Variants in FREM1 observed in about 807,000 individuals in gnomAD.
The protein encoded by FREM1 is FRAS1 related extracellular matrix 1.
In FREM1, 220 loss-of-function variants were observed where a neutral mutation model predicts 210.1. The ratio of observed to expected loss-of-function variants is 1.05; its 90% confidence interval spans 0.94 to 1.17. The LOEUF (loss-of-function observed/expected upper bound fraction) is 1.17, where lower values mean the gene tolerates loss of function less well. Among genes scored for constraint, FREM1 ranks in the 50% most tolerant of loss-of-function variants. The pLI is 0.00. For synonymous variants in FREM1, 1,189 were observed against 980.2 expected (o/e 1.21, Z -3.98); for missense variants, 3,454 against 2,675.5 (o/e 1.29, Z -6.42).
intron 24 of FREM1, among the ~76,000 whole-genome samples, chr9:14,778,399 C>T (rs1228395810): frequency 6.6e-6 from 1 of 151,190 alleles, no homozygotes; most frequent in Admixed American, 6.6e-5. Context: ...TGGCTTGAGT[C>T]CAGGAGTTCA....
At chr9:14,813,117 C>G in intron 15 of FREM1, 53 bp from the exon 16 acceptor site, 1 of 1,543,004 alleles carries the variant, frequency 6.5e-7, no homozygotes, top group Admixed American at 1.8e-5. Context: ...ATGACAAATT[C>G]TTTGACAGGT....
intron 13 of FREM1, among the ~76,000 whole-genome samples, chr9:14,822,224 C>A (rs1470837142): frequency 8.1e-6 from 1 of 123,366 alleles, no homozygotes; most frequent in Non-Finnish European, 1.8e-5. Context: ...TGTAAATTAC[C>A]CAGTCTCGGG....
At chr9:14,776,299 T>C in intron 24 of FREM1, 96 bp from the exon 25 acceptor site, 1 of 1,336,144 alleles carries the variant, frequency 7.5e-7, no homozygotes, top group Non-Finnish European at 9.9e-7. Flanking sequence ...CTAAAGGGTA[T>C]TGTCGTGTTG....
At chr9:14,818,814 T>C (rs933656712) in intron 14 of FREM1, among the ~76,000 whole-genome samples, 6 of 152,186 alleles carry the variant, frequency 3.9e-5, no homozygotes, top group Admixed American at 6.5e-5. Context: ...ATTAAGGACA[T>C]TGATCAACAG....
chr9:14,741,734 C>G (rs947109230), intron 35 of FREM1, among the ~76,000 whole-genome samples: 10 of 152,188 alleles, frequency 6.6e-5, no homozygotes, highest in African/African-American at 2.4e-4. Context: ...CCTTAATTCC[C>G]TGACTGAATT....
rs115551874 is a variant in FREM1 at position 14,815,884 on chromosome 9, G to C, written c.2640+894C>G. ...GGTGGTCTTGAAATCCTGACCTCAA[G>C]TGATCAGCCTGCTTTGGCATCCCAA... On this transcript the variant is annotated intron_variant, in intron 15 of 36. Transcript: ENST00000380880. 4.7e-3 allele frequency among the ~76,000 whole-genome samples: 713 copies of C among 152,276 alleles called. 3 individuals carry two copies. Among genetic ancestry groups the C allele is most frequent in the African/African-American group, 0.016 (667 of 41,546 alleles).
At chr9:14,827,607 G>T (rs1187391347) in intron 10 of FREM1, among the ~76,000 whole-genome samples, 4 of 152,188 alleles carry the variant, frequency 2.6e-5, no homozygotes, top group Non-Finnish European at 4.4e-5. Flanking sequence ...GCCACAAAAG[G>T]TGTGACCAAG....
intron 23 of FREM1, among the ~76,000 whole-genome samples, chr9:14,785,404 T>C (rs1850263471): frequency 6.6e-6 from 1 of 152,250 alleles, no homozygotes; most frequent in African/African-American, 2.4e-5. Flanking sequence ...GGAAGATGTC[T>C]ATTGTTAATA....
intron 3 of FREM1, among the ~76,000 whole-genome samples, chr9:14,862,018 T>A (rs184544504): frequency 1.3e-5 from 2 of 152,286 alleles, no homozygotes; most frequent in Admixed American, 1.3e-4. Flanking sequence ...TTCTTTGAAG[T>A]TATTTGTTTT....
intron 24 of FREM1, among the ~76,000 whole-genome samples, chr9:14,779,145 T>C (rs944246337): frequency 6.6e-6 from 1 of 152,172 alleles, no homozygotes; most frequent in Non-Finnish European, 1.5e-5. Context: ...GCTCCCTCAG[T>C]GCCTCCAAGT....
chr9:14,895,345 G>C (rs1837518095), intron 1 of FREM1, among the ~76,000 whole-genome samples: 1 of 152,104 alleles, frequency 6.6e-6, no homozygotes, highest in Admixed American at 6.5e-5. Context: ...CAAAAACTAT[G>C]GTACACCTGA....
intron 7 of FREM1, among the ~76,000 whole-genome samples, chr9:14,846,501 C>G (rs1826646612): frequency 6.6e-6 from 1 of 152,044 alleles, no homozygotes; most frequent in South Asian, 2.1e-4. Flanking sequence ...ACGTTCAGCA[C>G]ATATACCCCA....
intron 31 of FREM1, among the ~76,000 whole-genome samples, chr9:14,747,963 T>C (rs1401366800): frequency 2.0e-5 from 3 of 152,230 alleles, no homozygotes; most frequent in African/African-American, 7.2e-5. Flanking sequence ...AAAGTACATC[T>C]TTATTTTTTG....
intron 4 of FREM1, among the ~76,000 whole-genome samples, chr9:14,858,730 G>A (rs1021029027): frequency 5.9e-5 from 9 of 152,064 alleles, no homozygotes; most frequent in African/African-American, 9.7e-5. Context: ...TCCTAATTTC[G>A]TCTATCACTG....
At chr9:14,769,063 C>T (rs563713004) in intron 27 of FREM1, among the ~76,000 whole-genome samples, 55 of 152,166 alleles carry the variant, frequency 3.6e-4, no homozygotes, top group Non-Finnish European at 6.6e-4. Context: ...GGTCTACATT[C>T]AAGAAAAGTC....
intron 3 of FREM1, among the ~76,000 whole-genome samples, chr9:14,860,780 T>TACACATATATTCATATATAC (rs372732430): frequency 5.6e-4 from 48 of 85,780 alleles, no homozygotes; most frequent in African/African-American, 2.6e-3. Flanking sequence ...TACACATATA[T>TACACATATATTCATATATAC]ACATATATAC....
chr9:14,746,164 A>G (rs1842387331), intron 35 of FREM1, among the ~76,000 whole-genome samples, 189 bp downstream of exon 35: 1 of 152,192 alleles, frequency 6.6e-6, no homozygotes, highest in Admixed American at 6.5e-5. Context: ...CACCAACCAA[A>G]TACATTATCA....
At chr9:14,892,075 C>G (rs956695261) in intron 1 of FREM1, among the ~76,000 whole-genome samples, 6 of 152,100 alleles carry the variant, frequency 3.9e-5, no homozygotes, top group African/African-American at 1.4e-4. Context: ...ATCCCTCTTT[C>G]TGAGTACCTA....
intron 10 of FREM1, among the ~76,000 whole-genome samples, chr9:14,839,488 G>T (rs551569845): frequency 1.7e-3 from 252 of 151,650 alleles, no homozygotes; most frequent in African/African-American, 6.0e-3. Flanking sequence ...ATCTCCCTCT[G>T]TCCCCTTCTC....
Sources: allele counts gnomAD v4.1 joint callset (sites outside exome capture counted in the v4.1 genomes callset), GRCh38; gene constraint gnomAD v4.1.1; transcripts MANE v1.5; gene names NCBI Gene and HGNC (gene_info 2026-07-23, HGNC 2026-07-21).